Variants in LRP1B observed in about 807,000 individuals in gnomAD.
LRP1B encodes LDL receptor related protein 1B.
LRP1B carries 217 observed loss-of-function variants against 556.6 expected under a neutral mutation model. The observed-to-expected ratio is 0.39, with a 90% CI of 0.35 to 0.44. LRP1B has a LOEUF of 0.44. Ranked by LOEUF, LRP1B falls within the 20% of genes least tolerant of loss-of-function variation. LRP1B has a pLI of 1.00. For missense variants in LRP1B, 5,053 were observed against 5,620.8 expected (o/e 0.90, Z 3.23); for synonymous variants, 2,047 against 1,865.8 (o/e 1.10, Z -2.50).
Position 140,492,650 on chromosome 2 carries a change from C to T in LRP1B, c.9078G>A (p.Arg3026=), listed in dbSNP as rs1688751504. ...FLILADHHEI[R]KISTDGSNYT... ...AGTTGGAGCCATCAGTGCTAATTTT[C>T]CTTATCTCATGATGATCAGCAAGAA... The change falls in exon 57 of 91, where the codon AGG becomes AGA. Residue 3026 remains arginine (R), a synonymous_variant. Coordinates refer to ENST00000389484, the MANE Select transcript of LRP1B (RefSeq NM_018557.3). 6.2e-7 allele frequency: 1 copy of T among 1,613,684 alleles called. No homozygotes were observed. Among genetic ancestry groups the T allele is most frequent in the East Asian group, 2.2e-5 (1 of 44,836 alleles).
chr2:141,727,539 A>C (rs1231746985), intron 2 of LRP1B, among the ~76,000 whole-genome samples: 1 of 152,188 alleles, frequency 6.6e-6, no homozygotes, highest in Non-Finnish European at 1.5e-5. Context: ...TTTGGATTTC[A>C]ATCCTGGTTA....
chr2:140,399,782 A>T (rs1558856052), intron 66 of LRP1B, among the ~76,000 whole-genome samples: 1 of 152,244 alleles, frequency 6.6e-6, no homozygotes, highest in Non-Finnish European at 1.5e-5. Context: ...AAGGAAGAGG[A>T]AACCATTGTG....
Position 140,776,200 on chromosome 2 carries a change from G to C in LRP1B, c.5398C>G (p.Leu1800Val), listed in dbSNP as rs139263085. 36 of 1,602,142 alleles carry C rather than the reference G, an allele frequency of 2.2e-5. No individual in the cohort carries two copies. The African/African-American group carries it at 4.6e-4, about 21-fold the overall frequency. The change falls in exon 33 of 91, where the codon CTA (leucine) becomes GTA (valine). Residue 1800 changes from leucine to valine, a missense_variant. Leu to Val is a conservative substitution (Grantham distance 32). Coordinates refer to ENST00000389484, the MANE Select transcript of LRP1B (RefSeq NM_018557.3). ...CCGTCTCTTTTGCTGCAGGTTCCTA[G>C]CTGGGCTAAGTTTTGGTCTGCCCAC... ...LWWADQNLAQ[L>V]GTCSKRDGRN...
chr2:141,451,668 C>T (rs1681426954), intron 3 of LRP1B, among the ~76,000 whole-genome samples: 1 of 152,068 alleles, frequency 6.6e-6, no homozygotes, highest in Non-Finnish European at 1.5e-5. Flanking sequence ...TCTTTTTATA[C>T]AAAACATTTC....
intron 7 of LRP1B, among the ~76,000 whole-genome samples, chr2:141,168,034 A>G (rs940394896): frequency 1.3e-5 from 2 of 152,090 alleles, no homozygotes; most frequent in Non-Finnish European, 2.9e-5. Context: ...GTATAGTATA[A>G]TAGTTTTCAG....
At chr2:140,719,879 T>C (rs1687342322) in intron 35 of LRP1B, among the ~76,000 whole-genome samples, 1 of 152,054 alleles carries the variant, frequency 6.6e-6, no homozygotes, top group African/African-American at 2.4e-5. Flanking sequence ...TTTTCACATA[T>C]ATGTTGTATA....
intron 46 of LRP1B, among the ~76,000 whole-genome samples, chr2:140,536,308 C>CT (rs1553482633): frequency 1.9e-5 from 1 of 52,056 alleles, no homozygotes; most frequent in Non-Finnish European, 3.2e-5. Context: ...GACCCCGTCT[C>CT]TTTAAAAAAA....
intron 2 of LRP1B, among the ~76,000 whole-genome samples, chr2:141,612,312 T>C (rs575476704): frequency 1.5e-4 from 23 of 152,288 alleles, no homozygotes; most frequent in African/African-American, 4.6e-4. Flanking sequence ...CTTCATCAAG[T>C]GGGCTAAGCA....
chr2:141,310,966 A>T (rs1024227315), intron 3 of LRP1B, among the ~76,000 whole-genome samples: 1 of 152,208 alleles, frequency 6.6e-6, no homozygotes, highest in Non-Finnish European at 1.5e-5. Flanking sequence ...TGACATCATT[A>T]AGAAGCATAA....
intron 84 of LRP1B, among the ~76,000 whole-genome samples, chr2:140,275,318 A>G (rs1682624855): frequency 6.6e-6 from 1 of 152,068 alleles, no homozygotes; most frequent in African/African-American, 2.4e-5. Context: ...CACTAGAAGC[A>G]GAGAGCTCTC....
Position 141,899,938 on chromosome 2 carries a change from T to C in LRP1B, c.83-89537A>G, listed in dbSNP as rs1052912890. ...GGCAAGTACTGTACTGACTGTGCAC[T>C]CAAATGTCTTACTGAGCTGAGAGGT... is the stretch of plus-strand genomic sequence containing the variant. On this transcript the variant is annotated intron_variant, in intron 1 of 90. Coordinates refer to ENST00000389484, the MANE Select transcript of LRP1B (RefSeq NM_018557.3). Among the ~76,000 whole-genome samples, 7 of 152,088 alleles carry C rather than the reference T, an allele frequency of 4.6e-5. No individual in the cohort carries two copies. The South Asian group carries it at 8.3e-4, about 18-fold the overall frequency.
chr2:140,536,462 G>T, intron 46 of LRP1B, 119 bp downstream of exon 46: 1 of 949,758 alleles, frequency 1.1e-6, no homozygotes, highest in East Asian at 2.6e-5. Flanking sequence ...CTTAGATACA[G>T]GTTAATGAGA....
chr2:141,543,647 C>T (rs1409650278), intron 2 of LRP1B, among the ~76,000 whole-genome samples: 2 of 151,574 alleles, frequency 1.3e-5, no homozygotes, highest in Non-Finnish European at 2.9e-5. Flanking sequence ...ATTGCTTGAG[C>T]CCAGGGATTC....
chr2:140,504,290 C>A (rs190625717), intron 53 of LRP1B, among the ~76,000 whole-genome samples: 45 of 152,280 alleles, frequency 3.0e-4, no homozygotes, highest in African/African-American at 1.1e-3. Context: ...TTTTATGTTT[C>A]TGACCACACT....
At chr2:141,269,390 A>AT (rs535257668) in intron 3 of LRP1B, among the ~76,000 whole-genome samples, 1 of 152,180 alleles carries the variant, frequency 6.6e-6, no homozygotes, top group Non-Finnish European at 1.5e-5. Flanking sequence ...GCAAAAAAGC[A>AT]TTTTTTTAAA....
chr2:141,078,973 T>A (rs1202284231), intron 7 of LRP1B, among the ~76,000 whole-genome samples: 1 of 152,134 alleles, frequency 6.6e-6, no homozygotes, highest in Non-Finnish European at 1.5e-5. Context: ...TTGCCCAGGA[T>A]CATGCTGATA....
chr2:140,354,814 C>T lies in LRP1B; in HGVS notation c.11530+1528G>A, dbSNP rs929660542. On this transcript the variant is annotated intron_variant, in intron 75 of 90. Transcript: ENST00000389484. ...TGTTAATCCCCTTCTAATTTTCTTCCACCATTCCTCTTTACTTTTTTCCCT... is the reference window on the plus strand; with the variant it reads ...TGTTAATCCCCTTCTAATTTTCTTCTACCATTCCTCTTTACTTTTTTCCCT... Among the ~76,000 whole-genome samples the T allele has an allele frequency of 5.9e-5, 9 of 152,118 alleles. No individual in the cohort carries two copies. The South Asian group carries it at 1.0e-3, about 18-fold the overall frequency.
intron 25 of LRP1B, among the ~76,000 whole-genome samples, chr2:140,875,869 G>A (rs1693289001): frequency 6.6e-6 from 1 of 152,058 alleles, no homozygotes; most frequent in South Asian, 2.1e-4. Flanking sequence ...TACATTATCA[G>A]TAATAATTAT....
intron 15 of LRP1B, 89 bp from the exon 16 acceptor site, chr2:140,994,224 T>C (rs1697176673): frequency 8.4e-7 from 1 of 1,190,284 alleles, no homozygotes. Context: ...TTTGTTTGTT[T>C]TAGATTCTAC....
Sources: allele counts gnomAD v4.1 joint callset (sites outside exome capture counted in the v4.1 genomes callset), GRCh38; gene constraint gnomAD v4.1.1; transcripts MANE v1.5; gene names NCBI Gene and HGNC (gene_info 2026-07-23, HGNC 2026-07-21).